Variants in NRXN3 observed in about 807,000 individuals in gnomAD.
NRXN3 encodes neurexin III.
Under a neutral mutation model 137.6 loss-of-function variants are expected in NRXN3, and 32 were observed. The ratio of observed to expected loss-of-function variants is 0.23; its 90% confidence interval spans 0.18 to 0.31. The LOEUF (loss-of-function observed/expected upper bound fraction) is 0.31. Among genes scored for constraint, NRXN3 ranks in the 10% least tolerant of loss-of-function variants. The pLI is 1.00. For missense variants in NRXN3, 1,574 were observed against 2,062.5 expected, an observed-to-expected ratio of 0.76 and a Z score of 4.59; for synonymous variants, 798 against 784.5, an observed-to-expected ratio of 1.02 and a Z score of -0.29.
chr14:78,220,103 A>G (rs1016180184), intron 1 of NRXN3, among the ~76,000 whole-genome samples: 10 of 152,128 alleles, frequency 6.6e-5, no homozygotes, highest in Non-Finnish European at 1.5e-4. Context: ...TGCTGAGTGG[A>G]TGAGAATACT....
Position 78,726,959 on chromosome 14 carries a change from T to TA in NRXN3, c.2044+11839dup, listed in dbSNP as rs55802240. ...TGGGAGCTATACAGGATTTATTCAC[T>TA]AAAAAAAAAAAAAAAAAAACCTTCA... On this transcript the variant is annotated intron_variant, in intron 8 of 20. Transcript: ENST00000335750. Among the ~76,000 whole-genome samples the TA allele has an allele frequency of 0.028, 3,433 of 120,978 alleles. 271 individuals are homozygous for TA. The East Asian group carries it at 0.35, about 12-fold the overall frequency. 79.4% of individuals were successfully genotyped at this position (120,978 alleles called of 152,430 possible). A position where few individuals can be genotyped will look rare whatever the true frequency, so the allele number is the denominator to read the frequency against.
intron 15 of NRXN3, among the ~76,000 whole-genome samples, chr14:79,427,478 A>C (rs2095671926): frequency 6.6e-6 from 1 of 152,178 alleles, no homozygotes; most frequent in Admixed American, 6.5e-5. Context: ...AACACACACA[A>C]AATTGTTCTT....
chr14:78,355,259 C>T (rs1044111783), intron 4 of NRXN3, among the ~76,000 whole-genome samples: 1 of 152,106 alleles, frequency 6.6e-6, no homozygotes, highest in Non-Finnish European at 1.5e-5. Context: ...CTATCTTGTT[C>T]CCTTATCTCT....
At chr14:78,526,303 ATC>A (rs772168044) in intron 4 of NRXN3, among the ~76,000 whole-genome samples, 1 of 152,148 alleles carries the variant, frequency 6.6e-6, no homozygotes, top group African/African-American at 2.4e-5. Context: ...ATAGTCTGAA[ATC>A]TCTCTCTCTT....
At chr14:78,528,927 A>G (rs2096419946) in intron 4 of NRXN3, among the ~76,000 whole-genome samples, 1 of 152,088 alleles carries the variant, frequency 6.6e-6, no homozygotes. Context: ...CCCTCACCCT[A>G]TTCCCAGCCC....
At chr14:79,585,463 G>A (rs1236888538) in intron 16 of NRXN3, among the ~76,000 whole-genome samples, 2 of 152,074 alleles carry the variant, frequency 1.3e-5, no homozygotes, top group Non-Finnish European at 2.9e-5. Context: ...AGGGCAGGCA[G>A]ATCACTAGGT....
chr14:79,865,442 T>A lies in NRXN3; in HGVS notation c.*3478T>A, dbSNP rs1355236143. The A allele has an allele frequency of 6.6e-6, 1 of 152,216 alleles. No individual in the cohort carries two copies. Among genetic ancestry groups the A allele is most frequent in the Non-Finnish European group, 1.5e-5 (1 of 68,034 alleles). 9.4% of individuals were successfully genotyped at this position (152,216 alleles called of 1,614,324 possible). A position where few individuals can be genotyped will look rare whatever the true frequency, so the allele number is the denominator to read the frequency against. ...ACTGAACAGCTGTCCTTTATCCATA[T>A]GTTGGTTACCAGTTTTCAAAGAGTT... On this transcript the variant is annotated 3_prime_UTR_variant, in exon 21 of 21. Transcript: ENST00000335750.
At chr14:78,943,518 G>C (rs993249438) in intron 10 of NRXN3, among the ~76,000 whole-genome samples, 22 of 149,022 alleles carry the variant, frequency 1.5e-4, no homozygotes, top group African/African-American at 5.4e-4. Context: ...AGGGTTATGA[G>C]GAGGGCTTCT....
intron 15 of NRXN3, among the ~76,000 whole-genome samples, chr14:79,398,277 A>C (rs2095084146): frequency 6.6e-6 from 1 of 152,202 alleles, no homozygotes; most frequent in South Asian, 2.1e-4. Flanking sequence ...CCCAGTTACA[A>C]ACTAGCCAGT....
chr14:78,705,802 T>C (rs1445986997), intron 6 of NRXN3, among the ~76,000 whole-genome samples: 2 of 152,188 alleles, frequency 1.3e-5, no homozygotes, highest in African/African-American at 4.8e-5. Context: ...CAGTGAAAAC[T>C]CCATATAAAT....
intron 15 of NRXN3, among the ~76,000 whole-genome samples, chr14:79,433,026 T>G (rs2153556191): frequency 6.6e-6 from 1 of 152,308 alleles, no homozygotes; most frequent in South Asian, 2.1e-4. Flanking sequence ...TACCTTTTGG[T>G]TTTCCCCGGC....
At chr14:78,333,946 C>T (rs1447546642) in intron 4 of NRXN3, among the ~76,000 whole-genome samples, 5 of 152,122 alleles carry the variant, frequency 3.3e-5, no homozygotes, top group Middle Eastern at 3.4e-3. Context: ...CAGTGGACGG[C>T]GTGAGAGTGG....
chr14:79,119,527 A>G (rs1201198688), intron 15 of NRXN3, among the ~76,000 whole-genome samples: 2 of 152,232 alleles, frequency 1.3e-5, no homozygotes, highest in African/African-American at 4.8e-5. Context: ...ATTTAACACT[A>G]TTAAAAAGAT....
At chr14:79,427,999 G>T (rs1252725467) in intron 15 of NRXN3, among the ~76,000 whole-genome samples, 5 of 151,852 alleles carry the variant, frequency 3.3e-5, no homozygotes, top group African/African-American at 1.2e-4. Flanking sequence ...GTGTGTGCGT[G>T]TGTGTGTGTG....
At chr14:79,036,232 A>G (rs2099615751) in intron 15 of NRXN3, among the ~76,000 whole-genome samples, 1 of 152,064 alleles carries the variant, frequency 6.6e-6, no homozygotes. Context: ...AACTTCTTAT[A>G]ACACAATTTC....
chr14:79,652,880 T>A (rs540752181), intron 16 of NRXN3, among the ~76,000 whole-genome samples: 13 of 152,080 alleles, frequency 8.5e-5, no homozygotes, highest in Admixed American at 7.9e-4. Context: ...AAAAAATTTT[T>A]GTTGCTTTTA....
chr14:78,870,651 GCCTTTTAACAATCCCCCTTT>G, intron 10 of NRXN3, among the ~76,000 whole-genome samples: 1 of 151,814 alleles, frequency 6.6e-6, no homozygotes, highest in East Asian at 1.9e-4. Flanking sequence ...GTGTTTTCGT[GCCTTTTAACAATCCCCCTTT>G]TTATGTTCCC....
chr14:79,197,733 C>A (rs180936600), intron 15 of NRXN3, among the ~76,000 whole-genome samples: 1 of 152,010 alleles, frequency 6.6e-6, no homozygotes, highest in Non-Finnish European at 1.5e-5. Flanking sequence ...GCAGTGGTTG[C>A]GGAAGGTTGG....
At chr14:78,459,597 A>C (rs948095710) in intron 4 of NRXN3, among the ~76,000 whole-genome samples, 4 of 152,146 alleles carry the variant, frequency 2.6e-5, no homozygotes, top group African/African-American at 9.7e-5. Context: ...GGGACATACA[A>C]AGTGATGGTG....
Sources: gnomAD v4.1 joint callset for allele counts (sites outside exome capture counted in the v4.1 genomes callset) on GRCh38, gnomAD v4.1.1 for gene constraint, MANE v1.5 for transcripts, NCBI Gene and HGNC (gene_info 2026-07-23, HGNC 2026-07-21) for gene names.